Variants in IPP observed in about 807,000 individuals in gnomAD.
IPP encodes actin-binding protein IPP.
IPP carries 41 observed loss-of-function variants against 64.1 expected under a neutral mutation model. That is an observed-to-expected ratio of 0.64 (90% CI 0.50 to 0.83). IPP has a LOEUF of 0.83. Ranked by LOEUF, IPP falls within the 40% of genes least tolerant of loss-of-function variation. The pLI is 0.00. For synonymous variants in IPP, 214 were observed against 235.2 expected (o/e 0.91, Z 0.83); for missense variants, 649 against 703.0 (o/e 0.92, Z 0.87).
chr1:45,706,524 A>T (rs1164975457), intron 8 of IPP, among the ~76,000 whole-genome samples: 1 of 152,070 alleles, frequency 6.6e-6, no homozygotes, highest in South Asian at 2.1e-4. Flanking sequence ...ATCCCAGCTC[A>T]CTGCAACCTC....
At chr1:45,728,677 A>G (rs1645865396) in intron 4 of IPP, among the ~76,000 whole-genome samples, 1 of 151,964 alleles carries the variant, frequency 6.6e-6, no homozygotes, top group Non-Finnish European at 1.5e-5. Context: ...GTATTTTTGC[A>G]TAAAGACAAG....
chr1:45,706,574 C>G (rs1645515534), intron 8 of IPP, among the ~76,000 whole-genome samples: 1 of 152,150 alleles, frequency 6.6e-6, no homozygotes, highest in Admixed American at 6.5e-5. Context: ...CTCAGCCCCC[C>G]AAGTAGCTGG....
intron 7 of IPP, among the ~76,000 whole-genome samples, chr1:45,715,191 T>A (rs919433839): frequency 1.3e-5 from 1 of 74,930 alleles, no homozygotes; most frequent in South Asian, 4.3e-4. Context: ...CCAGACCTTC[T>A]CTCAAAAAAA....
At chr1:45,694,508 G>C (rs757561562), downstream of IPP, 40 of 1,527,002 alleles carry the variant, frequency 2.6e-5, no homozygotes, top group Non-Finnish European at 3.5e-5. Flanking sequence ...CCTCGTATCT[G>C]TGAGTATCTG....
intron 1 of IPP, among the ~76,000 whole-genome samples, chr1:45,749,094 C>T (rs1267909708): frequency 2.0e-5 from 3 of 152,126 alleles, no homozygotes; most frequent in African/African-American, 7.2e-5. Flanking sequence ...TTTTACATTT[C>T]TGTCAGCACA....
chr1:45,748,958 A>G, intron 1 of IPP, among the ~76,000 whole-genome samples: 1 of 142,756 alleles, frequency 7.0e-6, no homozygotes. Flanking sequence ...GGCAACAGAG[A>G]GACTCCGTCT....
intron 8 of IPP, among the ~76,000 whole-genome samples, chr1:45,705,431 G>C (rs901684068): frequency 6.6e-6 from 1 of 152,192 alleles, no homozygotes; most frequent in Non-Finnish European, 1.5e-5. Context: ...TCCATTTCCA[G>C]ACATAATAGA....
chr1:45,717,668 C>A (rs1427543939), intron 6 of IPP, among the ~76,000 whole-genome samples: 1 of 152,038 alleles, frequency 6.6e-6, no homozygotes, highest in Non-Finnish European at 1.5e-5. Context: ...CCCACCACCA[C>A]GCCCAGCTAA....
intron 3 of IPP, among the ~76,000 whole-genome samples, chr1:45,736,055 G>A (rs942813642): frequency 6.6e-6 from 1 of 150,878 alleles, no homozygotes; most frequent in African/African-American, 2.4e-5. Context: ...AGGTTGCAGT[G>A]AGCCGAAATC....
At chr1:45,717,533 T>A (rs1451728731) in intron 6 of IPP, among the ~76,000 whole-genome samples, 1 of 150,936 alleles carries the variant, frequency 6.6e-6, no homozygotes, top group Non-Finnish European at 1.5e-5. Context: ...TGAGATGGAG[T>A]CTCACTGTGT....
At chr1:45,727,827 A>G (rs1557752290) in intron 4 of IPP, 29 bp from the exon 5 acceptor site, 3 of 1,473,308 alleles carry the variant, frequency 2.0e-6, no homozygotes, top group Non-Finnish European at 2.8e-6. Context: ...GGTAGTAATG[A>G]AAATCTACTG....
intron 2 of IPP, among the ~76,000 whole-genome samples, chr1:45,743,007 G>A (rs763813958): frequency 6.6e-6 from 1 of 150,532 alleles, no homozygotes; most frequent in Non-Finnish European, 1.5e-5. Context: ...GTGCATCCTC[G>A]GCCCACTACA....
rs1645852683 is a variant in IPP, at chr1:45,727,869, T to C, written c.881-71A>G. The C allele has an allele frequency of 2.1e-5, 23 of 1,083,294 alleles. No homozygotes were observed. The South Asian group carries it at 4.6e-4, about 22-fold the overall frequency. 67.1% of individuals were successfully genotyped at this position (1,083,294 alleles called of 1,614,324 possible). A position where few individuals can be genotyped will look rare whatever the true frequency, so the allele number is the denominator to read the frequency against. Reference sequence around the variant, plus strand: ...ATCTAAACATTTAGTATAACTACTATATAACAAGAAATAAATGGTTTAGAA... The same window carrying C: ...ATCTAAACATTTAGTATAACTACTACATAACAAGAAATAAATGGTTTAGAA... On this transcript the variant is annotated intron_variant, in intron 4 of 8. Transcript: ENST00000396478.
Position 45,746,142 on chromosome 1 carries a change from T to G in IPP, c.270A>C (p.Ile90=). The change falls in exon 2 of 9, where the codon ATA becomes ATC. Residue 90 remains isoleucine (I), a synonymous_variant. Coordinates refer to ENST00000396478, the MANE Select transcript of IPP (RefSeq NM_005897.3). Reference sequence around the variant, plus strand: ...TACCTGTGTAAATGAAATCTAGAAGTATCTGAAAGATTCCTGCTTCAATTC... The same window carrying G: ...TACCTGTGTAAATGAAATCTAGAAGGATCTGAAAGATTCCTGCTTCAATTC... ...ILGIEAGIFQ[I]LLDFIYTGIV... is the part of the protein sequence containing the mutation. The G allele has an allele frequency of 6.2e-7, 1 of 1,613,744 alleles. No homozygotes were observed. The highest frequency in any genetic ancestry group is 1.7e-5 in the Admixed American group (1 of 60,010).
chr1:45,708,516 G>A (rs1043641316), intron 8 of IPP, among the ~76,000 whole-genome samples: 9 of 142,914 alleles, frequency 6.3e-5, no homozygotes, highest in African/African-American at 2.3e-4. Context: ...CCGTCTTTAG[G>A]AATAACACAA....
Position 45,725,231 on chromosome 1 carries a change from T to C in IPP, c.1048+2400A>G, listed in dbSNP as rs1403329286. ...GAGGTGGGGGGGTCAGCCCCCCGCCTGGCCAGCCGCCCCGTCCGGGAGGTG... is the reference window on the plus strand; with the variant it reads ...GAGGTGGGGGGGTCAGCCCCCCGCCCGGCCAGCCGCCCCGTCCGGGAGGTG... On this transcript the variant is annotated intron_variant, in intron 5 of 8. Coordinates refer to ENST00000396478, the MANE Select transcript of IPP (RefSeq NM_005897.3). Among the ~76,000 whole-genome samples, 287 of 48,678 alleles carry C rather than the reference T, an allele frequency of 5.9e-3. 1 individual carries two copies. Among genetic ancestry groups the C allele is most frequent in the Middle Eastern group, 0.014 (1 of 70 alleles). The allele number at this position is 48,678 out of a possible 152,430, so 31.9% of individuals were successfully genotyped here.
rs34472879 is a variant in IPP at position 45,744,837 on chromosome 1, C to CA, written c.292+1282dup. On this transcript the variant is annotated intron_variant, in intron 2 of 8. Transcript: ENST00000396478. ...CTGGTGACAGAGCGAGACTCTGTCT[C>CA]AAAAAAAAAAAAAAATTTTTTTTTA... is the stretch of plus-strand genomic sequence containing the variant. 1.9e-3 allele frequency among the ~76,000 whole-genome samples: 253 copies of CA among 130,004 alleles called. 2 individuals carry two copies. The highest frequency in any genetic ancestry group is 5.8e-3 in the African/African-American group (200 of 34,352). The allele number at this position is 130,004 out of a possible 152,430, so 85.3% of individuals were successfully genotyped here. A position where few individuals can be genotyped will look rare whatever the true frequency, so the allele number is the denominator to read the frequency against.
intron 2 of IPP, among the ~76,000 whole-genome samples, chr1:45,745,640 T>C (rs961019284): frequency 9.2e-5 from 14 of 151,666 alleles, no homozygotes; most frequent in Admixed American, 2.6e-4. Context: ...GGGCGGATCA[T>C]GAGGTCAGGA....
At chr1:45,744,962 G>A (rs1401561220) in intron 2 of IPP, among the ~76,000 whole-genome samples, 1 of 152,136 alleles carries the variant, frequency 6.6e-6, no homozygotes, top group African/African-American at 2.4e-5. Flanking sequence ...GCAGGGTGGT[G>A]AGATGGTAGC....
Sources: gnomAD v4.1 joint callset for allele counts (sites outside exome capture counted in the v4.1 genomes callset) on GRCh38, gnomAD v4.1.1 for gene constraint, MANE v1.5 for transcripts, NCBI Gene and HGNC (gene_info 2026-07-23, HGNC 2026-07-21) for gene names.